The following WDR70 variants were observed in gnomAD, a reference collection of about 807,000 sequenced individuals.
WDR70 encodes the protein WD repeat domain 70, also known as WD repeat-containing protein 70.
WDR70 carries 53 observed loss-of-function variants against 88.6 expected under a neutral mutation model. The ratio of observed to expected loss-of-function variants is 0.60; its 90% CI spans 0.48 to 0.75. The LOEUF is 0.75. Among genes scored for constraint, WDR70 ranks in the 30% least tolerant of loss-of-function variants. The pLI is 0.00. For missense variants in WDR70, 610 were observed against 823.2 expected, an observed-to-expected ratio of 0.74 and a Z score of 3.17; for synonymous variants, 280 against 270.0, an observed-to-expected ratio of 1.04 and a Z score of -0.36.
At chr5:37,506,583 G>A (rs1740567813) in intron 8 of WDR70, 2 of 775,084 alleles carry the variant, frequency 2.6e-6, no homozygotes, top group Non-Finnish European at 4.8e-6. Flanking sequence ...AACATTTAAT[G>A]TTAGCCACTC....
chr5:37,744,522 AAGAAGCTT>A (rs1170923426), intron 17 of WDR70, among the ~76,000 whole-genome samples: 1 of 152,080 alleles, frequency 6.6e-6, no homozygotes, highest in East Asian at 1.9e-4. Flanking sequence ...CAAAGAAGCT[AAGAAGCTT>A]GATAAAATGT....
intron 13 of WDR70, among the ~76,000 whole-genome samples, chr5:37,713,797 T>C (rs1268010168): frequency 6.6e-6 from 1 of 152,194 alleles, no homozygotes; most frequent in Non-Finnish European, 1.5e-5. Flanking sequence ...CCGTATCACA[T>C]CCCACTGATG....
intron 6 of WDR70, among the ~76,000 whole-genome samples, chr5:37,439,165 G>A (rs1326555337): frequency 1.3e-5 from 2 of 151,970 alleles, no homozygotes; most frequent in South Asian, 2.1e-4. Flanking sequence ...TGATCTTCCT[G>A]CCTCGGCCTC....
At chr5:37,479,685 A>C (rs1739599024) in intron 7 of WDR70, 149 bp from the exon 8 acceptor site, 2 of 935,010 alleles carry the variant, frequency 2.1e-6, no homozygotes, top group Non-Finnish European at 3.2e-6. Context: ...GTGGGTATTT[A>C]GAACCCATTT....
chr5:37,462,557 C>T (rs1342253927), intron 7 of WDR70, among the ~76,000 whole-genome samples: 1 of 152,220 alleles, frequency 6.6e-6, no homozygotes, highest in African/African-American at 2.4e-5. Context: ...CCGCCTCGGC[C>T]TCCCAAAGTG....
At chr5:37,440,314 CTG>C (rs1222432316) in intron 6 of WDR70, among the ~76,000 whole-genome samples, 1 of 151,886 alleles carries the variant, frequency 6.6e-6, no homozygotes, top group Non-Finnish European at 1.5e-5. Context: ...AATGTTAAAA[CTG>C]AAAATTTGTG....
At chr5:37,445,029 A>G (rs563978701) in intron 7 of WDR70, among the ~76,000 whole-genome samples, 2 of 152,304 alleles carry the variant, frequency 1.3e-5, no homozygotes, top group South Asian at 2.1e-4. Flanking sequence ...CTAACAGGCC[A>G]TAGACTGATA....
At position 37,752,739 on chromosome 5, in the gene WDR70, C is replaced by T. The variant is rs1392834532; in HGVS notation, c.*166C>T. ...GTGGCTAGGCTTCACTAAAATTGTG[C>T]TTAAATTTTCTTACCTGCAACTATT... On this transcript the variant is annotated 3_prime_UTR_variant, in exon 18 of 18. Transcript: ENST00000265107. 3 of 554,918 alleles carry T rather than the reference C, an allele frequency of 5.4e-6. No homozygotes were observed. Among genetic ancestry groups the T allele is most frequent in the Non-Finnish European group, 9.5e-6 (3 of 316,802 alleles). The allele number at this position is 554,918 out of a possible 1,614,324, so 34.4% of individuals were successfully genotyped here.
chr5:37,670,460 A>T (rs10941359), intron 10 of WDR70, among the ~76,000 whole-genome samples: 57,497 of 152,092 alleles, frequency 0.38, 12,112 homozygotes, highest in Non-Finnish European at 0.47. Context: ...ATAGAGAAAC[A>T]GATGCCACAT....
At chr5:37,473,778 T>C (rs1467546767) in intron 7 of WDR70, among the ~76,000 whole-genome samples, 1 of 152,254 alleles carries the variant, frequency 6.6e-6, no homozygotes, top group Non-Finnish European at 1.5e-5. Context: ...GGAGTACATT[T>C]TACATGATTG....
chr5:37,391,962 T>C (rs1192766481), intron 3 of WDR70, 38 bp from the exon 4 acceptor site: 2 of 1,578,978 alleles, frequency 1.3e-6, no homozygotes, highest in Admixed American at 2.0e-5. Context: ...ATTGTAACCG[T>C]TGGGATTTTT....
chr5:37,694,058 A>T (rs1172940635), intron 10 of WDR70, among the ~76,000 whole-genome samples: 2 of 152,254 alleles, frequency 1.3e-5, no homozygotes, highest in East Asian at 3.8e-4. Context: ...GACACTCCTC[A>T]AAAGAAGACA....
rs34976552 is a variant in WDR70, at chr5:37,493,831, C to CTT, written c.840+13860_840+13861dup. On this transcript the variant is annotated intron_variant, in intron 8 of 17. Coordinates refer to ENST00000265107, the MANE Select transcript of WDR70 (RefSeq NM_018034.4). ...AGCTTTTGGGTAGGAGGAAGGAATA[C>CTT]TTTTTTTTTTTTTTTTTGAGATGGA... Among the ~76,000 whole-genome samples, 7 of 140,824 alleles carry CTT rather than the reference C, an allele frequency of 5.0e-5. No individual in the cohort carries two copies. The Middle Eastern group carries it at 0.011, about 222-fold the overall frequency. 92.4% of individuals were successfully genotyped at this position (140,824 alleles called of 152,430 possible).
intron 9 of WDR70, among the ~76,000 whole-genome samples, chr5:37,541,601 GA>G (rs1741817464): frequency 6.6e-6 from 1 of 152,128 alleles, no homozygotes; most frequent in Non-Finnish European, 1.5e-5. Context: ...GAAGAGAGAA[GA>G]AATATGGAAG....
intron 10 of WDR70, among the ~76,000 whole-genome samples, chr5:37,630,397 G>A (rs961029784): frequency 3.9e-5 from 6 of 152,216 alleles, no homozygotes; most frequent in Non-Finnish European, 7.3e-5. Context: ...CCTTGTTGAG[G>A]ATGTGAGGGG....
intron 10 of WDR70, among the ~76,000 whole-genome samples, chr5:37,675,586 G>T (rs1230492298): frequency 5.9e-5 from 9 of 152,146 alleles, no homozygotes; most frequent in African/African-American, 9.6e-5. Context: ...CTGTTCCATT[G>T]ATCTATATCT....
At chr5:37,661,239 G>T (rs879462478) in intron 10 of WDR70, among the ~76,000 whole-genome samples, 6 of 152,242 alleles carry the variant, frequency 3.9e-5, no homozygotes, top group Admixed American at 3.3e-4. Context: ...ACATAGGAGG[G>T]TTTACTGCCC....
chr5:37,440,491 G>A (rs544830749), intron 6 of WDR70, among the ~76,000 whole-genome samples: 2 of 152,116 alleles, frequency 1.3e-5, no homozygotes, highest in Admixed American at 6.5e-5. Flanking sequence ...GATTACTGGC[G>A]CTCGCCACAA....
chr5:37,466,705 CAAAAAAAAAAAA>C (rs796359494), intron 7 of WDR70, among the ~76,000 whole-genome samples: 9 of 65,530 alleles, frequency 1.4e-4, no homozygotes. Flanking sequence ...GACTCCATCT[CAAAAAAAAAAAA>C]AAAAAAAAAA....
Sources: allele counts gnomAD v4.1 joint callset (sites outside exome capture counted in the v4.1 genomes callset), GRCh38; gene constraint gnomAD v4.1.1; transcripts MANE v1.5; gene names NCBI Gene and HGNC (gene_info 2026-07-23, HGNC 2026-07-21).